Variants in TRPM3 observed in about 807,000 individuals in gnomAD.
TRPM3 encodes the protein transient receptor potential cation channel subfamily M member 3, also known as long transient receptor potential channel 3.
TRPM3 carries 77 observed loss-of-function variants against 181.2 expected under a neutral mutation model. That is an observed-to-expected ratio of 0.42 (90% CI 0.35 to 0.51). The LOEUF is 0.51. Among genes scored for constraint, TRPM3 ranks in the 20% least tolerant of loss-of-function variants. TRPM3 has a pLI of 0.01. For missense variants in TRPM3, 1,759 were observed against 2,196.7 expected, an observed-to-expected ratio of 0.80 and a Z score of 3.98; for synonymous variants, 745 against 796.4, an observed-to-expected ratio of 0.94 and a Z score of 1.09.
At chr9:70,540,972 G>A (rs1035352408) in intron 25 of TRPM3, among the ~76,000 whole-genome samples, 2 of 152,126 alleles carry the variant, frequency 1.3e-5, no homozygotes, top group Non-Finnish European at 2.9e-5. Context: ...TCGATCACCC[G>A]CCTCAGCCTC....
chr9:70,694,283 A>G (rs1803435045), intron 8 of TRPM3, among the ~76,000 whole-genome samples: 1 of 152,104 alleles, frequency 6.6e-6, no homozygotes, highest in Non-Finnish European at 1.5e-5. Context: ...TGGTTTTACC[A>G]TCTGCAAAAA....
At position 70,991,555 on chromosome 9, in the gene TRPM3, G is replaced by GTTTTTTTTTTTTTTTTT. The variant is rs56157123; in HGVS notation, c.178-127061_178-127045dup. Among the ~76,000 whole-genome samples, 5 of 124,534 alleles carry GTTTTTTTTTTTTTTTTT rather than the reference G, an allele frequency of 4.0e-5. 1 individual carries two copies. Among genetic ancestry groups the GTTTTTTTTTTTTTTTTT allele is most frequent in the Non-Finnish European group, 8.1e-5 (5 of 61,630 alleles). 81.7% of individuals were successfully genotyped at this position (124,534 alleles called of 152,430 possible). ...GTCTCCTTTGAAATACTATGTGTCT[G>GTTTTTTTTTTTTTTTTT]TTTTTTTTTTTTTTTTTTGAGTACT... On this transcript the variant is annotated intron_variant, in intron 1 of 25. Transcript: ENST00000677713.
At chr9:70,839,985 A>C (rs1377787933) in intron 5 of TRPM3, among the ~76,000 whole-genome samples, 1 of 152,170 alleles carries the variant, frequency 6.6e-6, no homozygotes, top group South Asian at 2.1e-4. Context: ...TAAGAAGCTT[A>C]CCAGATAATA....
At chr9:71,385,736 ACT>A (rs573738470) in intron 1 of TRPM3, among the ~76,000 whole-genome samples, 77 of 152,152 alleles carry the variant, frequency 5.1e-4, no homozygotes, top group African/African-American at 1.7e-3. Flanking sequence ...ACAGGGTCTC[ACT>A]CTGTCACTCA....
chr9:71,283,713 C>T (rs935348803), intron 1 of TRPM3, among the ~76,000 whole-genome samples: 4 of 152,168 alleles, frequency 2.6e-5, no homozygotes, highest in South Asian at 2.1e-4. Flanking sequence ...CTGTTTTGAA[C>T]GTGGCTTTGC....
chr9:70,932,911 T>C (rs1267721093), intron 1 of TRPM3, among the ~76,000 whole-genome samples: 1 of 152,170 alleles, frequency 6.6e-6, no homozygotes, highest in Non-Finnish European at 1.5e-5. Flanking sequence ...TTTTATACTT[T>C]AGGCTAGAGG....
rs199959628 is a variant in TRPM3 at position 71,331,198 on chromosome 9, TAAATATATAC to T, written c.183+115445_183+115454del. Among the ~76,000 whole-genome samples, 29 of 152,028 alleles carry T rather than the reference TAAATATATAC, an allele frequency of 1.9e-4. No individual in the cohort carries two copies. The East Asian group carries it at 4.8e-3, about 25-fold the overall frequency. ...AAATAATCCTAGGCAAAATTTTGGA[TAAATATATAC>T]AACTTCTTGTGAAAACAAGTATTAC... is the stretch of plus-strand genomic sequence containing the variant. On this transcript the variant is annotated intron_variant, in intron 1 of 24. Transcript: ENST00000357533.
chr9:70,927,853 C>T (rs2096736335), intron 1 of TRPM3, among the ~76,000 whole-genome samples: 1 of 152,200 alleles, frequency 6.6e-6, no homozygotes, highest in Non-Finnish European at 1.5e-5. Flanking sequence ...TGCCTCCTGT[C>T]TATTCACAGC....
intron 1 of TRPM3, among the ~76,000 whole-genome samples, chr9:71,391,595 C>T (rs1012151690): frequency 1.8e-4 from 27 of 151,972 alleles, no homozygotes; most frequent in Non-Finnish European, 3.1e-4. Context: ...ATGAAAGATG[C>T]TAAATAAACA....
intron 22 of TRPM3, among the ~76,000 whole-genome samples, chr9:70,574,708 A>G (rs939971519): frequency 2.0e-5 from 3 of 152,082 alleles, no homozygotes; most frequent in Admixed American, 6.6e-5. Flanking sequence ...TTGTTTCCAA[A>G]TATTTGCTGA....
intron 1 of TRPM3, among the ~76,000 whole-genome samples, chr9:70,959,983 T>G (rs972577924): frequency 1.3e-5 from 2 of 152,164 alleles, no homozygotes; most frequent in Non-Finnish European, 2.9e-5. Context: ...GAGTTAATAA[T>G]CATTAGGGCT....
intron 1 of TRPM3, among the ~76,000 whole-genome samples, chr9:71,438,973 T>A (rs1262555682): frequency 6.6e-6 from 1 of 152,158 alleles, no homozygotes; most frequent in East Asian, 1.9e-4. Flanking sequence ...ATAACTACAA[T>A]CTATTTCAAT....
rs116441747 is a variant in TRPM3 at position 70,608,404 on chromosome 9, C to T, written c.2667+2205G>A. On this transcript the variant is annotated intron_variant, in intron 19 of 25. Coordinates refer to ENST00000677713, the MANE Select transcript of TRPM3 (RefSeq NM_001366145.2). ...TTATTAAAAATGTAAAAACCATTCT[C>T]AGTTCGCAGGCCACAATCACAGGCC... 3.3e-3 allele frequency among the ~76,000 whole-genome samples: 498 copies of T among 150,398 alleles called. 3 individuals are homozygous for T. The highest frequency in any genetic ancestry group is 0.011 in the African/African-American group (463 of 41,254).
At chr9:71,299,424 A>T (rs776819285) in intron 1 of TRPM3, among the ~76,000 whole-genome samples, 5 of 152,014 alleles carry the variant, frequency 3.3e-5, no homozygotes, top group Non-Finnish European at 7.4e-5. Flanking sequence ...CAATCTTACA[A>T]ATGAGGGAAT....
rs115050959 is a variant in TRPM3 at position 70,796,972 on chromosome 9, A to T, written c.974-12693T>A. Among the ~76,000 whole-genome samples the T allele has an allele frequency of 8.0e-3, 1,210 of 151,974 alleles. 19 individuals are homozygous for T. The highest frequency in any genetic ancestry group is 0.027 in the African/African-American group (1,138 of 41,426). ...AGGGAGATCTTGTCTCTACAAAAAA[A>T]TTTAAAAGTTAGCTGGGCATGGTGG... On this transcript the variant is annotated intron_variant, in intron 6 of 25. Coordinates refer to ENST00000677713, the MANE Select transcript of TRPM3 (RefSeq NM_001366145.2).
chr9:70,544,839 T>C (rs2044438050), intron 25 of TRPM3, among the ~76,000 whole-genome samples: 1 of 152,190 alleles, frequency 6.6e-6, no homozygotes, highest in South Asian at 2.1e-4. Context: ...TTTGAGGATA[T>C]TGAGTCAGTT....
chr9:70,888,142 C>T (rs145681233), intron 1 of TRPM3, among the ~76,000 whole-genome samples: 41 of 152,172 alleles, frequency 2.7e-4, no homozygotes, highest in Admixed American at 1.6e-3. Flanking sequence ...ACCAAGAAGG[C>T]GTATTAACTA....
chr9:70,842,831 G>T, intron 5 of TRPM3, 172 bp downstream of exon 5: 1 of 660,328 alleles, frequency 1.5e-6, no homozygotes, highest in East Asian at 2.9e-5. Context: ...TTTGCCTAGA[G>T]ATTTTAGAAA....
At chr9:71,226,009 TAAAAAAA>T in intron 1 of TRPM3, among the ~76,000 whole-genome samples, 5 of 34,704 alleles carry the variant, frequency 1.4e-4, no homozygotes, top group Admixed American at 4.6e-4. Flanking sequence ...CAACAAAAGG[TAAAAAAA>T]AAAAAAAAAA....
Sources: gnomAD v4.1 joint callset for allele counts (sites outside exome capture counted in the v4.1 genomes callset) on GRCh38, gnomAD v4.1.1 for gene constraint, MANE v1.5 for transcripts, NCBI Gene and HGNC (gene_info 2026-07-23, HGNC 2026-07-21) for gene names.